The following RAB38 variants were observed in gnomAD, a reference collection of about 807,000 sequenced individuals.
The protein encoded by RAB38 is RAB38, member RAS oncogene family.
A neutral mutation model predicts 18.4 loss-of-function variants in RAB38; 15 were observed. That is an observed-to-expected ratio of 0.82 (90% CI 0.55 to 1.26). The LOEUF is 1.26. RAB38 is among the 50% of genes most tolerant of loss of function. RAB38 has a pLI of 0.00. For synonymous variants in RAB38, 101 were observed against 104.4 expected (o/e 0.97, Z 0.20); for missense variants, 294 against 267.4 (o/e 1.10, Z -0.69).
At chr11:87,893,371 C>CATATATATATATATATGTATATAT in the RAB38 span, among the ~76,000 whole-genome samples, 90 of 86,414 alleles carry the variant, frequency 1.0e-3, 2 homozygotes, top group East Asian at 0.029. Flanking sequence ...ATATATTTTA[C>CATATATATATATATATGTATATAT]ATATATATAT....
the RAB38 span, among the ~76,000 whole-genome samples, chr11:87,856,200 G>A: frequency 1.3e-5 from 2 of 152,176 alleles, no homozygotes; most frequent in Non-Finnish European, 2.9e-5. Flanking sequence ...TTGGAGCAAT[G>A]AACTGCATTC....
the RAB38 span, among the ~76,000 whole-genome samples, chr11:88,046,914 T>C: frequency 6.6e-6 from 1 of 152,090 alleles, no homozygotes; most frequent in African/African-American, 2.4e-5. Flanking sequence ...AACACTTCAT[T>C]ACCCACAGCT....
chr11:88,124,149 T>C (rs193143303), intron 2 of RAB38, among the ~76,000 whole-genome samples: 7 of 152,344 alleles, frequency 4.6e-5, no homozygotes, highest in Non-Finnish European at 5.9e-5. Context: ...AATTAATATT[T>C]TAGTCACTTT....
chr11:87,818,989 A>C, the RAB38 span, among the ~76,000 whole-genome samples: 1 of 152,224 alleles, frequency 6.6e-6, no homozygotes, highest in Non-Finnish European at 1.5e-5. Context: ...AAAATTATAA[A>C]TTTATAAACT....
the RAB38 span, among the ~76,000 whole-genome samples, chr11:88,037,848 G>A: frequency 6.6e-6 from 1 of 151,696 alleles, no homozygotes; most frequent in East Asian, 1.9e-4. Context: ...TATCTTCTTT[G>A]GGAAGTATCT....
chr11:88,008,448 A>G, the RAB38 span, among the ~76,000 whole-genome samples: 1 of 152,294 alleles, frequency 6.6e-6, no homozygotes, highest in South Asian at 2.1e-4. Flanking sequence ...AGTAAGCCAT[A>G]CACTTGTTAG....
the RAB38 span, among the ~76,000 whole-genome samples, chr11:87,910,748 C>G: frequency 6.9e-6 from 1 of 145,348 alleles, no homozygotes; most frequent in East Asian, 2.0e-4. Context: ...TCAAGTGATT[C>G]TCCTGCCTCA....
chr11:87,928,773 A>G, the RAB38 span, among the ~76,000 whole-genome samples: 1 of 152,066 alleles, frequency 6.6e-6, no homozygotes, highest in Non-Finnish European at 1.5e-5. Flanking sequence ...AATAAAAAGA[A>G]TAAGTAACAC....
the RAB38 span, among the ~76,000 whole-genome samples, chr11:87,906,527 T>C: frequency 1.3e-5 from 2 of 152,054 alleles, no homozygotes; most frequent in East Asian, 3.9e-4. Flanking sequence ...CTACCAAATA[T>C]TATTATTCTG....
the RAB38 span, among the ~76,000 whole-genome samples, chr11:87,893,422 A>C: frequency 7.8e-5 from 3 of 38,610 alleles, no homozygotes; most frequent in Non-Finnish European, 2.0e-4. Flanking sequence ...TGACTGGCTG[A>C]GCTTAGGTCA....
the RAB38 span, among the ~76,000 whole-genome samples, chr11:87,977,876 T>A: frequency 9.9e-6 from 1 of 100,780 alleles, no homozygotes; most frequent in Non-Finnish European, 1.8e-5. Context: ...CAAATATATA[T>A]AAAGATGTAG....
the RAB38 span, among the ~76,000 whole-genome samples, chr11:87,950,457 A>ATT: frequency 6.6e-6 from 1 of 152,114 alleles, no homozygotes; most frequent in East Asian, 1.9e-4. Context: ...TTGTGCATTA[A>ATT]TTAATGCAGT....
intron 2 of RAB38, among the ~76,000 whole-genome samples, chr11:88,128,553 G>A (rs1942732297): frequency 1.3e-5 from 2 of 152,136 alleles, no homozygotes; most frequent in South Asian, 2.1e-4. Context: ...GTTACTCCAG[G>A]AACTTTAGAA....
intron 2 of RAB38, among the ~76,000 whole-genome samples, chr11:88,121,349 T>C (rs1049132224): frequency 6.6e-6 from 1 of 152,330 alleles, no homozygotes; most frequent in East Asian, 1.9e-4. Flanking sequence ...CCTGATGGCA[T>C]GTATTTTACT....
chr11:87,944,843 T>A, the RAB38 span, among the ~76,000 whole-genome samples: 1 of 151,890 alleles, frequency 6.6e-6, no homozygotes, highest in African/African-American at 2.4e-5. Flanking sequence ...GGTTTGGGGG[T>A]GTTTTTGTTT....
the RAB38 span, among the ~76,000 whole-genome samples, chr11:87,894,683 G>A: frequency 6.6e-6 from 1 of 150,534 alleles, no homozygotes; most frequent in African/African-American, 2.4e-5. Context: ...CTGGTGTGTG[G>A]GACATATGCT....
chr11:87,820,410 C>A, the RAB38 span, among the ~76,000 whole-genome samples: 1 of 152,218 alleles, frequency 6.6e-6, no homozygotes, highest in Non-Finnish European at 1.5e-5. Context: ...AAAATGAGCT[C>A]CAAATGAAAA....
At chr11:88,024,386 C>A in the RAB38 span, among the ~76,000 whole-genome samples, 2 of 152,106 alleles carry the variant, frequency 1.3e-5, no homozygotes, top group Non-Finnish European at 2.9e-5. Flanking sequence ...CAGGCTATAG[C>A]AAATGCTGGG....
the RAB38 span, among the ~76,000 whole-genome samples, chr11:87,862,217 C>G: frequency 6.6e-6 from 1 of 152,042 alleles, no homozygotes; most frequent in South Asian, 2.1e-4. Flanking sequence ...CGGATATGTT[C>G]ATTGCAGCCC....
Sources: gnomAD v4.1 joint callset for allele counts (sites outside exome capture counted in the v4.1 genomes callset) on GRCh38, gnomAD v4.1.1 for gene constraint, MANE v1.5 for transcripts, NCBI Gene and HGNC (gene_info 2026-07-23, HGNC 2026-07-21) for gene names.